Variants in C9 observed in about 807,000 individuals in gnomAD.
The protein encoded by C9 is complement C9.
A neutral mutation model predicts 65.4 loss-of-function variants in C9; 63 were observed. The observed-to-expected ratio is 0.96, with a 90% CI of 0.79 to 1.19. The LOEUF (loss-of-function observed/expected upper bound fraction) is 1.19. Among genes scored for constraint, C9 ranks in the 50% most tolerant of loss-of-function variants. The pLI is 0.00. For missense variants in C9, 744 were observed against 670.1 expected, an observed-to-expected ratio of 1.11 and a Z score of -1.22; for synonymous variants, 229 against 227.9, an observed-to-expected ratio of 1.00 and a Z score of -0.04.
At chr5:39,332,117 T>G (rs916706423) in intron 4 of C9, among the ~76,000 whole-genome samples, 7 of 152,210 alleles carry the variant, frequency 4.6e-5, no homozygotes, top group Admixed American at 3.9e-4. Context: ...TTAACTTCAC[T>G]GCTGTAACTC....
At chr5:39,334,297 G>A (rs1034358030) in intron 4 of C9, among the ~76,000 whole-genome samples, 6 of 150,684 alleles carry the variant, frequency 4.0e-5, no homozygotes, top group South Asian at 4.2e-4. Context: ...GCCTCTGCCC[G>A]GCCGCAACCC....
Position 39,284,312 on chromosome 5 carries a change from G to T in C9, c.*887C>A, listed in dbSNP as rs573250491. 6.6e-6 allele frequency: 1 copy of T among 151,502 alleles called. No homozygotes were observed. The highest frequency in any genetic ancestry group is 2.1e-4 in the South Asian group (1 of 4,814). The allele number at this position is 151,502 out of a possible 1,614,324, so 9.4% of individuals were successfully genotyped here. On this transcript the variant is annotated 3_prime_UTR_variant, in exon 11 of 11. Coordinates refer to ENST00000263408, the MANE Select transcript of C9 (RefSeq NM_001737.5). ...AAAGAGTTCTCAGACCTTTCAAAAG[G>T]TCTCAGACCCTAAGCACCATGTTCT...
intron 9 of C9, among the ~76,000 whole-genome samples, chr5:39,301,099 T>C (rs1055719628): frequency 6.6e-6 from 1 of 152,102 alleles, no homozygotes; most frequent in Non-Finnish European, 1.5e-5. Flanking sequence ...CTATAGTGAA[T>C]AGAAAGATAC....
chr5:39,341,437 T>C (rs2111953662), intron 3 of C9, 119 bp downstream of exon 3: 1 of 1,431,946 alleles, frequency 7.0e-7, no homozygotes, highest in Non-Finnish European at 9.8e-7. Flanking sequence ...ATAGATGGCC[T>C]CTTTTGGGGC....
chr5:39,305,351 G>A (rs1753356039), intron 9 of C9, among the ~76,000 whole-genome samples: 2 of 152,090 alleles, frequency 1.3e-5, no homozygotes, highest in Admixed American at 6.5e-5. Flanking sequence ...TTCAGTTTCT[G>A]AGTTCCTTCT....
chr5:39,359,230 G>T (rs1754473272), intron 1 of C9, among the ~76,000 whole-genome samples: 1 of 151,126 alleles, frequency 6.6e-6, no homozygotes, highest in African/African-American at 2.4e-5. Context: ...GAGAATGGTG[G>T]TGCAGGGTGG....
intron 5 of C9, among the ~76,000 whole-genome samples, chr5:39,319,797 C>T (rs1753634691): frequency 6.6e-6 from 1 of 152,132 alleles, no homozygotes; most frequent in African/African-American, 2.4e-5. Context: ...ATCCAGTGGA[C>T]CCACTGGACC....
At chr5:39,330,076 A>C (rs1169285834) in intron 5 of C9, among the ~76,000 whole-genome samples, 1 of 152,164 alleles carries the variant, frequency 6.6e-6, no homozygotes, top group Non-Finnish European at 1.5e-5. Flanking sequence ...CAAGTCCACA[A>C]TTCCTATCTT....
intron 4 of C9, among the ~76,000 whole-genome samples, chr5:39,338,369 A>G (rs770093372): frequency 2.0e-5 from 3 of 152,028 alleles, no homozygotes; most frequent in Non-Finnish European, 2.9e-5. Flanking sequence ...GTTTTATGAG[A>G]CTCAGAGAAA....
intron 5 of C9, among the ~76,000 whole-genome samples, chr5:39,318,357 C>T (rs1753608820): frequency 6.6e-6 from 1 of 152,026 alleles, no homozygotes; most frequent in Non-Finnish European, 1.5e-5. Flanking sequence ...ATTTCTTTCC[C>T]CTGCCTGATT....
Position 39,288,718 on chromosome 5 carries a change from C to G in C9, c.1645+5G>C, listed in dbSNP as rs1017675943. On this transcript the variant is annotated splice_donor_5th_base_variant and intron_variant, in intron 10 of 10. Transcript: ENST00000263408. ...CTTTAATCACATCAAATAAATTGTC[C>G]TCACCTTCAGAAATTTTTTGTTTAC... 1.3e-6 allele frequency: 2 copies of G among 1,559,082 alleles called. No homozygotes were observed. Among genetic ancestry groups the G allele is most frequent in the Non-Finnish European group, 1.8e-6 (2 of 1,130,600 alleles).
At chr5:39,356,179 A>G (rs1233841305) in intron 1 of C9, among the ~76,000 whole-genome samples, 1 of 152,174 alleles carries the variant, frequency 6.6e-6, no homozygotes, top group Non-Finnish European at 1.5e-5. Context: ...AAACTTTGTA[A>G]GCATTACTAG....
intron 9 of C9, among the ~76,000 whole-genome samples, chr5:39,290,289 G>T (rs376260700): frequency 6.6e-6 from 1 of 151,768 alleles, no homozygotes; most frequent in African/African-American, 2.4e-5. Flanking sequence ...AACATATACA[G>T]GGAAATTTAT....
chr5:39,315,520 C>T (rs1217221741), intron 6 of C9, among the ~76,000 whole-genome samples: 1 of 152,118 alleles, frequency 6.6e-6, no homozygotes, highest in Non-Finnish European at 1.5e-5. Flanking sequence ...TTACCACAAT[C>T]TCAGTCAAAA....
At chr5:39,345,083 A>T (rs1754164738) in intron 1 of C9, among the ~76,000 whole-genome samples, 1 of 151,978 alleles carries the variant, frequency 6.6e-6, no homozygotes, top group Admixed American at 6.6e-5. Flanking sequence ...AATTGTAAAG[A>T]TCATCAATGC....
chr5:39,340,491 T>C (rs1754055204), intron 4 of C9, among the ~76,000 whole-genome samples: 1 of 152,194 alleles, frequency 6.6e-6, no homozygotes, highest in Non-Finnish European at 1.5e-5. Flanking sequence ...ACCGAATCTC[T>C]CTGCATATAG....
chr5:39,300,529 T>C (rs1753260764), intron 9 of C9, among the ~76,000 whole-genome samples: 1 of 151,226 alleles, frequency 6.6e-6, no homozygotes, highest in Non-Finnish European at 1.5e-5. Context: ...CACAAACAAA[T>C]TGAGAAAAAA....
intron 9 of C9, among the ~76,000 whole-genome samples, chr5:39,301,495 T>G (rs1010995292): frequency 5.3e-5 from 8 of 152,166 alleles, no homozygotes; most frequent in Non-Finnish European, 1.2e-4. Flanking sequence ...ATAATTTTAC[T>G]ATGCTTATGT....
At chr5:39,290,435 A>C (rs188697116) in intron 9 of C9, among the ~76,000 whole-genome samples, 3 of 150,682 alleles carry the variant, frequency 2.0e-5, no homozygotes, top group Non-Finnish European at 4.4e-5. Flanking sequence ...AGAAATGAGA[A>C]TCTATAGAGC....
Sources: gnomAD v4.1 joint callset for allele counts (sites outside exome capture counted in the v4.1 genomes callset) on GRCh38, gnomAD v4.1.1 for gene constraint, MANE v1.5 for transcripts, NCBI Gene and HGNC (gene_info 2026-07-23, HGNC 2026-07-21) for gene names.